Variants in GAS2 observed in about 807,000 individuals in gnomAD.
GAS2 encodes growth arrest-specific protein 2.
GAS2 carries 20 observed loss-of-function variants against 37.5 expected under a neutral mutation model. That is an observed-to-expected ratio of 0.53 (90% confidence interval 0.37 to 0.77). The LOEUF is 0.77. GAS2 is among the 30% of genes least tolerant of loss of function. The pLI is 0.00. For synonymous variants in GAS2, 144 were observed against 132.2 expected (o/e 1.09, Z -0.61); for missense variants, 336 against 373.4 (o/e 0.90, Z 0.82).
intron 2 of GAS2, among the ~76,000 whole-genome samples, chr11:22,683,742 T>A (rs975508826): frequency 6.6e-6 from 1 of 152,196 alleles, no homozygotes; most frequent in African/African-American, 2.4e-5. Flanking sequence ...TTCTAGCAGC[T>A]TATTTCTTCA....
intron 3 of GAS2, among the ~76,000 whole-genome samples, chr11:22,703,768 C>T (rs948830669): frequency 2.6e-5 from 4 of 152,024 alleles, no homozygotes; most frequent in Non-Finnish European, 4.4e-5. Context: ...TAGGGGCTGA[C>T]GACATGAATG....
chr11:22,681,326 C>A (rs1260278987), intron 2 of GAS2, among the ~76,000 whole-genome samples: 1 of 150,350 alleles, frequency 6.7e-6, no homozygotes, highest in Non-Finnish European at 1.5e-5. Flanking sequence ...CACCATTGAG[C>A]TATAATGTTT....
chr11:22,639,109 G>T (rs1590557464), intron 1 of GAS2, among the ~76,000 whole-genome samples: 1 of 152,194 alleles, frequency 6.6e-6, no homozygotes, highest in East Asian at 1.9e-4. Context: ...TTGTGGTATT[G>T]CAAACTGTCT....
upstream of GAS2, chr11:22,666,568 G>A (rs1408361854): frequency 6.6e-6 from 1 of 152,146 alleles, no homozygotes; most frequent in Non-Finnish European, 1.5e-5. Context: ...CCGTTTGAAG[G>A]GTAAATCAGT....
intron 4 of GAS2, among the ~76,000 whole-genome samples, chr11:22,727,547 T>A (rs568988447): frequency 6.6e-6 from 1 of 152,062 alleles, no homozygotes; most frequent in East Asian, 1.9e-4. Context: ...AGAAATACCA[T>A]CAAATTTTTG....
At chr11:22,658,525 T>G (rs1848881126) in intron 1 of GAS2, among the ~76,000 whole-genome samples, 1 of 152,164 alleles carries the variant, frequency 6.6e-6, no homozygotes, top group South Asian at 2.1e-4. Flanking sequence ...CCCACTTCAT[T>G]AAATGGCAGC....
intron 1 of GAS2, among the ~76,000 whole-genome samples, chr11:22,641,713 C>G (rs1470545905): frequency 1.3e-5 from 2 of 152,196 alleles, no homozygotes; most frequent in Admixed American, 6.5e-5. Flanking sequence ...GCTTTTGATT[C>G]CTGCCAGGAG....
chr11:22,752,474 T>G (rs1057073704), intron 6 of GAS2, among the ~76,000 whole-genome samples: 1 of 152,052 alleles, frequency 6.6e-6, no homozygotes, highest in Non-Finnish European at 1.5e-5. Flanking sequence ...CTATAGTAAC[T>G]GCTTCACTGC....
intron 1 of GAS2, among the ~76,000 whole-genome samples, chr11:22,641,027 A>G (rs914537956): frequency 6.6e-6 from 1 of 151,466 alleles, no homozygotes; most frequent in African/African-American, 2.4e-5. Context: ...CTCTGCGCAG[A>G]GGAGTGAACT....
intron 3 of GAS2, among the ~76,000 whole-genome samples, chr11:22,726,013 T>C (rs1255276082): frequency 1.3e-5 from 2 of 152,084 alleles, no homozygotes; most frequent in African/African-American, 4.8e-5. Flanking sequence ...ATAAAAATTA[T>C]AGAAGAGAAA....
intron 7 of GAS2, among the ~76,000 whole-genome samples, chr11:22,795,646 A>C (rs374293000): frequency 2.0e-5 from 3 of 152,112 alleles, no homozygotes; most frequent in African/African-American, 7.2e-5. Flanking sequence ...CAGTGGTAGG[A>C]GATGAAGTTA....
At chr11:22,631,790 A>G (rs1422994289) in intron 1 of GAS2, among the ~76,000 whole-genome samples, 2 of 150,904 alleles carry the variant, frequency 1.3e-5, no homozygotes, top group Non-Finnish European at 3.0e-5. Flanking sequence ...CCTTTTTGTT[A>G]TGTCTTTTCC....
chr11:22,672,726 T>C lies in GAS2; in HGVS notation c.-20-2124T>C, dbSNP rs1396492171. 3 of 152,284 alleles carry C rather than the reference T, an allele frequency of 2.0e-5. No homozygotes were observed. In the East Asian group the frequency reaches 5.8e-4, roughly 29 times the overall value. The allele number at this position is 152,284 out of a possible 1,614,324, so 9.4% of individuals were successfully genotyped here. ...TAAGTATATGAATCATGTGCTTATATGTATTACTTAAATGTTTCTGAGGCC... is the reference window on the plus strand; with the variant it reads ...TAAGTATATGAATCATGTGCTTATACGTATTACTTAAATGTTTCTGAGGCC... On this transcript the variant is annotated intron_variant, in intron 1 of 7. Coordinates refer to ENST00000454584, the MANE Select transcript of GAS2 (RefSeq NM_001143830.3).
At chr11:22,702,916 A>C (rs567713088) in intron 3 of GAS2, among the ~76,000 whole-genome samples, 1 of 152,198 alleles carries the variant, frequency 6.6e-6, no homozygotes, top group South Asian at 2.1e-4. Flanking sequence ...GAATCTGCTT[A>C]TAAAGAGCCC....
Position 22,698,933 on chromosome 11 carries a change from G to C in GAS2, c.267+13144G>C, listed in dbSNP as rs1005836092. ...CTTTTAAAAGTTATTAATTTCTTGT[G>C]CTTTATTTTATTAGGCTAAAATGTT... On this transcript the variant is annotated intron_variant, in intron 3 of 7. Coordinates refer to ENST00000454584, the MANE Select transcript of GAS2 (RefSeq NM_001143830.3). Among the ~76,000 whole-genome samples, 40 of 152,108 alleles carry C rather than the reference G, an allele frequency of 2.6e-4. 1 individual carries two copies. The highest frequency in any genetic ancestry group is 9.2e-4 in the African/African-American group (38 of 41,520).
intron 7 of GAS2, among the ~76,000 whole-genome samples, chr11:22,810,083 T>C (rs1006439233): frequency 1.3e-5 from 2 of 152,182 alleles, no homozygotes; most frequent in African/African-American, 2.4e-5. Context: ...CACTGAAACA[T>C]TGAGTATTTC....
chr11:22,680,748 T>C (rs1474915096), intron 2 of GAS2, among the ~76,000 whole-genome samples: 1 of 152,072 alleles, frequency 6.6e-6, no homozygotes, highest in Non-Finnish European at 1.5e-5. Context: ...TGTTTCTACA[T>C]AGAAAAAGAC....
intron 7 of GAS2, among the ~76,000 whole-genome samples, chr11:22,772,352 T>G (rs1855021466): frequency 6.6e-6 from 1 of 152,192 alleles, no homozygotes; most frequent in African/African-American, 2.4e-5. Flanking sequence ...CTTCAAATAA[T>G]ATGAGTACCT....
chr11:22,755,072 C>T (rs1853952418), intron 6 of GAS2, among the ~76,000 whole-genome samples: 1 of 152,032 alleles, frequency 6.6e-6, no homozygotes, highest in Non-Finnish European at 1.5e-5. Flanking sequence ...TTCCTAAAAT[C>T]GTGGACTATT....
Sources: allele counts gnomAD v4.1 joint callset (sites outside exome capture counted in the v4.1 genomes callset), GRCh38; gene constraint gnomAD v4.1.1; transcripts MANE v1.5; gene names NCBI Gene and HGNC (gene_info 2026-07-23, HGNC 2026-07-21).